CFAP20DC: variants seen among roughly 807,000 people sequenced by gnomAD.
The protein encoded by CFAP20DC is CFAP20 domain containing, also known as protein CFAP20DC.
In CFAP20DC, 84 loss-of-function variants were observed where a neutral mutation model predicts 101.7. That is an observed-to-expected ratio of 0.83 (90% confidence interval 0.69 to 0.99). The LOEUF (loss-of-function observed/expected upper bound fraction) is 0.99. Among genes scored for constraint, CFAP20DC ranks in the 50% least tolerant of loss-of-function variants. The pLI, the probability that CFAP20DC is intolerant of heterozygous loss-of-function variation, is 0.00. For missense variants in CFAP20DC, 1,007 were observed against 970.3 expected (o/e 1.04, Z -0.50); for synonymous variants, 359 against 351.2 (o/e 1.02, Z -0.25).
chr3:58,798,614 A>G (rs1207423883), intron 15 of CFAP20DC, among the ~76,000 whole-genome samples: 1 of 152,216 alleles, frequency 6.6e-6, no homozygotes, highest in Non-Finnish European at 1.5e-5. Context: ...GATTAACTCC[A>G]ATTTTGAAAG....
chr3:58,971,130 C>T lies in CFAP20DC; in HGVS notation c.279-33368G>A, dbSNP rs977084956. ...GTTAATACACAGATGTAGGACATTG[C>T]TTGTTCCAGCTAATTGACTATTCTG... On this transcript the variant is annotated intron_variant, in intron 4 of 16. Coordinates refer to ENST00000482387, the MANE Select transcript of CFAP20DC (RefSeq NM_001394063.1). This position sits in a 1 kb window ranked among gnomAD's most constrained non-coding sequence, Gnocchi z 4.1. Among the ~76,000 whole-genome samples the T allele has an allele frequency of 1.3e-5, 2 of 152,138 alleles. No homozygotes were observed. The highest frequency in any genetic ancestry group is 2.9e-5 in the Non-Finnish European group (2 of 68,010).
At chr3:58,816,448 C>A (rs949238266) in intron 14 of CFAP20DC, among the ~76,000 whole-genome samples, 3 of 152,138 alleles carry the variant, frequency 2.0e-5, no homozygotes, top group Non-Finnish European at 2.9e-5. Context: ...CGTGCGCGAG[C>A]CGAAGCAGGG....
At chr3:58,860,175 C>CAAAAAAAAAAAAAAAAAAAAAAAAA (rs10575757) in intron 12 of CFAP20DC, among the ~76,000 whole-genome samples, 2 of 78,190 alleles carry the variant, frequency 2.6e-5, no homozygotes, top group Non-Finnish European at 5.2e-5. Context: ...AACTCCATCT[C>CAAAAAAAAAAAAAAAAAAAAAAAAA]AAAAAAAAAA....
At position 58,724,463 on chromosome 3, in the gene CFAP20DC, C is replaced by A. The variant is rs1175077571; in HGVS notation, c.198-6835G>T. Among the ~76,000 whole-genome samples the A allele has an allele frequency of 6.6e-6, 1 of 152,128 alleles. No homozygotes were observed. The highest frequency in any genetic ancestry group is 6.5e-5 in the Admixed American group (1 of 15,280). On this transcript the variant is annotated intron_variant, in intron 3 of 3. Coordinates refer to the CFAP20DC transcript ENST00000486145. The surrounding 1 kb of genome is among the most constrained non-coding windows in gnomAD (Gnocchi z 5.6). Reference sequence around the variant, plus strand: ...ACTGTGTTCAAGGAGAAAGGCACTCCTTTGAAGCACTGGAATGTGGACAGA... The same window carrying A: ...ACTGTGTTCAAGGAGAAAGGCACTCATTTGAAGCACTGGAATGTGGACAGA...
chr3:58,849,439 T>C, intron 12 of CFAP20DC, 30 bp from the exon 13 acceptor site: 1 of 1,469,666 alleles, frequency 6.8e-7, no homozygotes, highest in South Asian at 1.4e-5. Context: ...AAAAATAATT[T>C]TGAGCAGAAA....
At chr3:58,840,489 A>G (rs1368895329) in intron 13 of CFAP20DC, among the ~76,000 whole-genome samples, 1 of 152,024 alleles carries the variant, frequency 6.6e-6, no homozygotes, top group Admixed American at 6.6e-5. Flanking sequence ...ATAAATAAAT[A>G]TTTTTCTCTC....
chr3:58,910,548 C>T (rs2084046135), intron 6 of CFAP20DC, among the ~76,000 whole-genome samples: 2 of 152,064 alleles, frequency 1.3e-5, no homozygotes, highest in Admixed American at 6.6e-5. Context: ...AGGATCTTCT[C>T]TTTATCTTTC....
intron 14 of CFAP20DC, among the ~76,000 whole-genome samples, chr3:58,813,301 T>C (rs1426681020): frequency 2.0e-5 from 3 of 151,988 alleles, no homozygotes; most frequent in Admixed American, 1.3e-4. Context: ...CTTGATCTTT[T>C]TCCTTTGTTC....
intron 10 of CFAP20DC, among the ~76,000 whole-genome samples, chr3:58,866,965 T>C (rs1237169896): frequency 6.6e-6 from 1 of 152,178 alleles, no homozygotes; most frequent in Admixed American, 6.5e-5. Flanking sequence ...ACCCATAAAA[T>C]TTTTAAAGGA....
At chr3:58,828,895 G>A (rs1256517253) in intron 14 of CFAP20DC, among the ~76,000 whole-genome samples, 1 of 152,088 alleles carries the variant, frequency 6.6e-6, no homozygotes, top group East Asian at 1.9e-4. Context: ...AGGAAGGGTG[G>A]GTTAAGAGAT....
Position 58,866,587 on chromosome 3 carries a change from G to A in CFAP20DC, c.1237C>T (p.Pro413Ser). 1 of 1,612,368 alleles carries A rather than the reference G, an allele frequency of 6.2e-7. No homozygotes were observed. Among genetic ancestry groups the A allele is most frequent in the Non-Finnish European group, 8.5e-7 (1 of 1,178,994 alleles). ...AELLNSGTLGPQSPDQSDEWI... is the reference protein window; with the variant it reads ...AELLNSGTLGSQSPDQSDEWI... ...CAACCTGATTGATCAGGAGACTGGG[G>A]TCCTAGAGTGCCGGAGTTCAACAGC... Residue 413 changes from proline to serine, a missense_variant, in exon 11 of 17, where the codon CCC becomes TCC. Pro to Ser is a moderately conservative substitution (Grantham distance 74). Transcript: ENST00000482387.
Position 58,913,936 on chromosome 3 carries a change from A to G in CFAP20DC, c.394-72T>C, listed in dbSNP as rs1370444345. 7 of 1,492,078 alleles carry G rather than the reference A, an allele frequency of 4.7e-6. No individual in the cohort carries two copies. The highest frequency in any genetic ancestry group is 6.5e-6 in the Non-Finnish European group (7 of 1,081,846). The allele number at this position is 1,492,078 out of a possible 1,614,324, so 92.4% of individuals were successfully genotyped here. A position where few individuals can be genotyped will look rare whatever the true frequency, so the allele number is the denominator to read the frequency against. ...ATAAATGAACAAACCATCTATATGT[A>G]GACATTCAAAGAGTTGAGGCAGTTA... is the stretch of plus-strand genomic sequence containing the variant. On this transcript the variant is annotated intron_variant, in intron 5 of 16. Transcript: ENST00000482387. This position sits in a 1 kb window ranked among gnomAD's most constrained non-coding sequence, Gnocchi z 4.4.
intron 6 of CFAP20DC, among the ~76,000 whole-genome samples, chr3:58,909,584 A>AT (rs1355266218): frequency 1.3e-5 from 2 of 152,016 alleles, no homozygotes; most frequent in African/African-American, 4.8e-5. Context: ...GAAAGTTTCC[A>AT]TTTTTCTGCT....
At chr3:59,031,490 G>GA (rs1205967533) in intron 4 of CFAP20DC, among the ~76,000 whole-genome samples, 1 of 152,124 alleles carries the variant, frequency 6.6e-6, no homozygotes, top group Non-Finnish European at 1.5e-5. Context: ...CATGCCTTTG[G>GA]AGTCTTGAAA....
intron 4 of CFAP20DC, among the ~76,000 whole-genome samples, chr3:58,963,730 T>C (rs2091333460): frequency 6.6e-6 from 1 of 152,096 alleles, no homozygotes; most frequent in Non-Finnish European, 1.5e-5. Context: ...AAAGATTAAA[T>C]ACCTAAAAAT....
intron 4 of CFAP20DC, among the ~76,000 whole-genome samples, chr3:59,037,213 AG>A (rs1290417323): frequency 2.0e-5 from 3 of 152,222 alleles, no homozygotes; most frequent in African/African-American, 7.2e-5. Flanking sequence ...TTCAGGACAT[AG>A]GCATGGGCAA....
chr3:58,972,059 A>G (rs1035614116), intron 4 of CFAP20DC, among the ~76,000 whole-genome samples: 1 of 152,152 alleles, frequency 6.6e-6, no homozygotes, highest in Admixed American at 6.6e-5. Flanking sequence ...GTGGTTAACT[A>G]TTTATTTGAA....
intron 4 of CFAP20DC, among the ~76,000 whole-genome samples, chr3:58,952,561 A>G (rs17295938): frequency 0.02 from 3,056 of 152,274 alleles, 57 homozygotes; most frequent in Middle Eastern, 0.031. Context: ...TAACTAAAAC[A>G]TAAGTGGCTC....
At chr3:58,801,944 C>G (rs1468375971) in intron 15 of CFAP20DC, among the ~76,000 whole-genome samples, 1 of 152,152 alleles carries the variant, frequency 6.6e-6, no homozygotes, top group East Asian at 1.9e-4. Context: ...TTTGGGTATT[C>G]TGAATTATTT....
Sources: allele counts gnomAD v4.1 joint callset (sites outside exome capture counted in the v4.1 genomes callset), GRCh38; gene constraint gnomAD v4.1.1; non-coding constraint Gnocchi (gnomAD v3.1); transcripts MANE v1.5; gene names NCBI Gene and HGNC (gene_info 2026-07-23, HGNC 2026-07-21).